CENPK: variants seen among roughly 807,000 people sequenced by gnomAD.
CENPK encodes centromere protein K, also known as SoxLZ/Sox6-binding protein Solt.
Under a neutral mutation model 40.9 loss-of-function variants are expected in CENPK, and 46 were observed. The ratio of observed to expected loss-of-function variants is 1.13; its 90% CI spans 0.89 to 1.44. The LOEUF is 1.44. Among genes scored for constraint, CENPK ranks in the 40% most tolerant of loss-of-function variants. The pLI, the probability that CENPK is intolerant of heterozygous loss-of-function variation, is 0.00. For missense variants in CENPK, 288 were observed against 303.5 expected (o/e 0.95, Z 0.38); for synonymous variants, 107 against 104.4 (o/e 1.02, Z -0.15).
intron 6 of CENPK, among the ~76,000 whole-genome samples, chr5:65,530,735 C>G (rs79871714): frequency 0.29 from 44,802 of 152,028 alleles, 8,225 homozygotes; most frequent in East Asian, 0.58. Flanking sequence ...ATGGTGAAAC[C>G]CTGTCTCTAT....
chr5:65,520,178 A>G (rs1200776538), intron 10 of CENPK, among the ~76,000 whole-genome samples: 4 of 152,136 alleles, frequency 2.6e-5, no homozygotes, highest in African/African-American at 4.8e-5. Context: ...AGTTCTCGCA[A>G]GATCCGGCTG....
At chr5:65,515,171 C>T (rs1410431095), downstream of CENPK, among the ~76,000 whole-genome samples, 2 of 150,710 alleles carry the variant, frequency 1.3e-5, no homozygotes, top group Admixed American at 1.3e-4. Context: ...ATAAATTACC[C>T]TCTAGCCACT....
the CENPK span, among the ~76,000 whole-genome samples, chr5:65,504,457 C>CAAAAA: frequency 5.0e-5 from 5 of 100,038 alleles, 1 homozygote; most frequent in Non-Finnish European, 7.6e-5. Flanking sequence ...AATTCCGTAT[C>CAAAAA]AAAAAAAAAA....
chr5:65,514,937 ATT>A (rs982131021), downstream of CENPK, among the ~76,000 whole-genome samples: 3 of 146,660 alleles, frequency 2.0e-5, no homozygotes, highest in African/African-American at 5.0e-5. Flanking sequence ...GATTTTAGTA[ATT>A]TTTGTTTTTT....
At position 65,518,563 on chromosome 5, in the gene CENPK, G is replaced by C; in HGVS notation, c.722C>G (p.Pro241Arg). 1.2e-6 allele frequency: 2 copies of C among 1,612,488 alleles called. No homozygotes were observed. Among genetic ancestry groups the C allele is most frequent in the Non-Finnish European group, 1.7e-6 (2 of 1,179,010 alleles). ...YVKISDSFWP[P>R]YVELLLRNGI... is the part of the protein sequence containing the mutation. ...ATTACGCAGCAGCAGCTCAACATAAGGTGGCCAAAAGGAATCACTAATTTT... is the reference window on the plus strand; with the variant it reads ...ATTACGCAGCAGCAGCTCAACATAACGTGGCCAAAAGGAATCACTAATTTT... The change falls in exon 11 of 11, where the codon CCT becomes CGT. Residue 241 changes from proline to arginine, a missense_variant. Transcript: ENST00000396679.
At chr5:65,528,271 T>C (rs1254191738) in intron 9 of CENPK, among the ~76,000 whole-genome samples, 181 bp downstream of exon 9, 1 of 138,844 alleles carries the variant, frequency 7.2e-6, no homozygotes, top group African/African-American at 2.8e-5. Flanking sequence ...AATATACATA[T>C]ACTTAATCCC....
At chr5:65,536,158 T>C (rs938148065) in intron 6 of CENPK, among the ~76,000 whole-genome samples, 2 of 152,224 alleles carry the variant, frequency 1.3e-5, no homozygotes, top group African/African-American at 4.8e-5. Flanking sequence ...GGACAGATGC[T>C]GGCACTGCAT....
chr5:65,516,434 A>G (rs1382782475), downstream of CENPK, among the ~76,000 whole-genome samples: 1 of 152,260 alleles, frequency 6.6e-6, no homozygotes, highest in Non-Finnish European at 1.5e-5. Flanking sequence ...TTAAACAGAT[A>G]CGAACAATCC....
chr5:65,537,673 C>G (rs1385047621), intron 6 of CENPK, among the ~76,000 whole-genome samples: 1 of 152,192 alleles, frequency 6.6e-6, no homozygotes, highest in Non-Finnish European at 1.5e-5. Flanking sequence ...CAGACTAAGA[C>G]AGCAGTTTTT....
chr5:65,511,659 G>A, the CENPK span, among the ~76,000 whole-genome samples: 1 of 152,182 alleles, frequency 6.6e-6, no homozygotes. Context: ...CCTGAGCTCC[G>A]CCTCCTGTCA....
chr5:65,517,004 G>A (rs1035494457), downstream of CENPK, among the ~76,000 whole-genome samples: 4 of 151,740 alleles, frequency 2.6e-5, no homozygotes, highest in African/African-American at 4.8e-5. Context: ...GTGCAGTGGC[G>A]CAATCTTGGC....
chr5:65,535,564 C>T (rs1370271509), intron 6 of CENPK, among the ~76,000 whole-genome samples: 1 of 152,106 alleles, frequency 6.6e-6, no homozygotes, highest in African/African-American at 2.4e-5. Context: ...CAATAAAAAC[C>T]CTAAACAAGG....
At chr5:65,561,057 A>G (rs1234991174) in intron 2 of CENPK, 1 of 152,148 alleles carries the variant, frequency 6.6e-6, no homozygotes, top group African/African-American at 2.4e-5. Flanking sequence ...ATAATATTAA[A>G]TACTCCCTAG....
the CENPK span, among the ~76,000 whole-genome samples, chr5:65,498,202 ATTTT>A: frequency 6.6e-6 from 1 of 151,998 alleles, no homozygotes; most frequent in African/African-American, 2.4e-5. Flanking sequence ...TTTCTGAAAC[ATTTT>A]TATATATTAT....
chr5:65,505,376 T>C, the CENPK span, among the ~76,000 whole-genome samples: 3 of 152,250 alleles, frequency 2.0e-5, no homozygotes, highest in African/African-American at 7.2e-5. Flanking sequence ...CTTATGCCTG[T>C]AATCCTAGGA....
At chr5:65,559,319 ACAAG>A (rs1192654737) in intron 2 of CENPK, among the ~76,000 whole-genome samples, 1 of 152,202 alleles carries the variant, frequency 6.6e-6, no homozygotes, top group Non-Finnish European at 1.5e-5. Context: ...ATGGGACTTG[ACAAG>A]CAAATTGTAA....
At chr5:65,553,792 A>C (rs148180519) in intron 3 of CENPK, among the ~76,000 whole-genome samples, 37 of 152,308 alleles carry the variant, frequency 2.4e-4, no homozygotes, top group African/African-American at 7.5e-4. Flanking sequence ...CTATTACTAG[A>C]GCTTCCTAAA....
rs1286587676 is a variant in CENPK at position 65,542,824 on chromosome 5, A to AG, written c.265dup (p.Leu89ProfsTer17). ...TACCTCTTCTTTTCCTAATGTTATG[A>AG]GAACGTCTTCAGTCAAGGGAATTGC... is the stretch of plus-strand genomic sequence containing the variant. On this transcript the variant is annotated frameshift_variant, in exon 6 of 11. Transcript: ENST00000396679. LOFTEE classifies it high-confidence loss of function. 1 of 1,611,092 alleles carries AG rather than the reference A, an allele frequency of 6.2e-7. No individual in the cohort carries two copies. Among genetic ancestry groups the AG allele is most frequent in the South Asian group, 1.1e-5 (1 of 90,236 alleles).
intron 5 of CENPK, among the ~76,000 whole-genome samples, chr5:65,550,173 TCAAAAAAAA>T (rs780577032): frequency 1.5e-3 from 161 of 104,236 alleles, no homozygotes; most frequent in Admixed American, 1.5e-3. Context: ...AGACTCCATC[TCAAAAAAAA>T]AAAAAAAAAA....
Sources: allele counts gnomAD v4.1 joint callset (sites outside exome capture counted in the v4.1 genomes callset), GRCh38; gene constraint gnomAD v4.1.1; transcripts MANE v1.5; gene names NCBI Gene and HGNC (gene_info 2026-07-23, HGNC 2026-07-21).